DHX57: variants seen among roughly 807,000 people sequenced by gnomAD.
DHX57 encodes putative ATP-dependent RNA helicase DHX57.
DHX57 carries 105 observed loss-of-function variants against 156.2 expected under a neutral mutation model. The ratio of observed to expected loss-of-function variants is 0.67; its 90% CI spans 0.57 to 0.79. The LOEUF is 0.79. DHX57 is among the 30% of genes least tolerant of loss of function. The pLI is 0.00. For synonymous variants in DHX57, 704 were observed against 595.6 expected, an observed-to-expected ratio of 1.18 and a Z score of -2.65; for missense variants, 1,847 against 1,661.9, an observed-to-expected ratio of 1.11 and a Z score of -1.94.
chr2:38,826,534 C>T lies in DHX57; in HGVS notation c.2795G>A (p.Gly932Glu). The change falls in exon 15 of 24, where the codon GGG becomes GAG. Residue 932 changes from glycine (G) to glutamate (E), a missense_variant. By Grantham distance (98) the Gly-to-Glu change is moderately conservative. Transcript: ENST00000457308. ...GGAATACCTCTTTTCTTTCATTTTC[C>T]CAGAATCGATAACATAGACAACATC... Reference protein sequence around the residue: ...IDDVVYVIDSGKMKEKRYDAS... With the variant: ...IDDVVYVIDSEKMKEKRYDAS... 6.2e-7 allele frequency: 1 copy of T among 1,613,824 alleles called. No individual in the cohort carries two copies. The highest frequency in any genetic ancestry group is 8.5e-7 in the Non-Finnish European group (1 of 1,179,858).
At chr2:38,837,610 T>TAAAAAAAAAAAAAAAAA in intron 13 of DHX57, among the ~76,000 whole-genome samples, 1 of 2,872 alleles carries the variant, frequency 3.5e-4, no homozygotes. Flanking sequence ...AAACCCCGTC[T>TAAAAAAAAAAAAAAAAA]CAAAAAAAAA....
intron 6 of DHX57, chr2:38,856,974 C>T (rs371414890): frequency 8.5e-5 from 13 of 153,248 alleles, no homozygotes; most frequent in African/African-American, 3.1e-4. Flanking sequence ...CTGAATAAAC[C>T]GAAAGATTTT....
At chr2:38,827,645 G>A (rs1027904964) in intron 14 of DHX57, among the ~76,000 whole-genome samples, 5 of 150,524 alleles carry the variant, frequency 3.3e-5, no homozygotes, top group Admixed American at 3.3e-4. Context: ...TACATTTTAA[G>A]GGAGTGTTCG....
chr2:38,859,101 C>G (rs1218827170), intron 5 of DHX57, among the ~76,000 whole-genome samples: 1 of 152,130 alleles, frequency 6.6e-6, no homozygotes, highest in Non-Finnish European at 1.5e-5. Flanking sequence ...CAAGTGTCCC[C>G]AAATCCCACA....
chr2:38,848,821 G>C (rs1672426627), intron 9 of DHX57, among the ~76,000 whole-genome samples: 1 of 152,138 alleles, frequency 6.6e-6, no homozygotes, highest in Non-Finnish European at 1.5e-5. Flanking sequence ...GGAGAGCAAA[G>C]GTGTCAGGTG....
At chr2:38,874,741 G>C (rs1665528035) in intron 1 of DHX57, among the ~76,000 whole-genome samples, 1 of 152,112 alleles carries the variant, frequency 6.6e-6, no homozygotes, top group African/African-American at 2.4e-5. Flanking sequence ...GTGTTGGGTT[G>C]GGAAAAATCC....
intron 13 of DHX57, among the ~76,000 whole-genome samples, chr2:38,831,360 C>G (rs1671370811): frequency 6.7e-6 from 1 of 149,148 alleles, no homozygotes; most frequent in Non-Finnish European, 1.5e-5. Context: ...TCGCTCTTGT[C>G]CCCCAGGCTG....
chr2:38,873,923 G>C (rs1665470113), intron 1 of DHX57, among the ~76,000 whole-genome samples: 1 of 152,150 alleles, frequency 6.6e-6, no homozygotes, highest in African/African-American at 2.4e-5. Flanking sequence ...AATGAGCCAT[G>C]AAATAGTCAT....
rs1363917443 is a variant in DHX57 at position 38,861,930 on chromosome 2, T to G, written c.573-93A>C. ...ATTTAAATATGCTTAGATGAAGTTA[T>G]GACTACACATAGGCAGGGCTTGTAT... On this transcript the variant is annotated intron_variant, in intron 4 of 23. Coordinates refer to ENST00000457308, the MANE Select transcript of DHX57 (RefSeq NM_198963.3). The G allele has an allele frequency of 4.4e-6, 6 of 1,351,814 alleles. No individual in the cohort carries two copies. In the East Asian group the frequency reaches 1.4e-4, roughly 33 times the overall value. 83.7% of individuals were successfully genotyped at this position (1,351,814 alleles called of 1,614,324 possible).
At chr2:38,869,084 G>C (rs891687062) in intron 1 of DHX57, among the ~76,000 whole-genome samples, 14 of 152,306 alleles carry the variant, frequency 9.2e-5, no homozygotes, top group Non-Finnish European at 1.9e-4. Flanking sequence ...TTACAGGTGT[G>C]AGCCACTGCA....
chr2:38,838,801 T>G (rs1481657755), intron 12 of DHX57: 1 of 456,574 alleles, frequency 2.2e-6, no homozygotes, highest in Non-Finnish European at 4.4e-6. Context: ...TTGTAATATC[T>G]TCATTAACAC....
intron 23 of DHX57, among the ~76,000 whole-genome samples, chr2:38,800,134 G>A (rs970909150): frequency 3.3e-5 from 5 of 149,304 alleles, no homozygotes; most frequent in East Asian, 3.9e-4. Context: ...GTGGTGAGCC[G>A]AGATGGCACC....
chr2:38,851,891 A>C (rs1188096513), intron 9 of DHX57, among the ~76,000 whole-genome samples: 1 of 152,122 alleles, frequency 6.6e-6, no homozygotes, highest in Non-Finnish European at 1.5e-5. Context: ...CTTCTTTCAG[A>C]TGTTCATTTC....
intron 13 of DHX57, among the ~76,000 whole-genome samples, chr2:38,833,198 G>A (rs749889582): frequency 7.3e-5 from 11 of 151,368 alleles, no homozygotes; most frequent in Admixed American, 2.0e-4. Context: ...GCTGGAGTGC[G>A]GTGGCGCGAT....
chr2:38,825,924 G>A lies in DHX57; in HGVS notation c.2937C>T (p.Ser979=). Residue 979 remains serine, a synonymous_variant, in exon 16 of 24, where the codon AGC becomes AGT. Coordinates refer to ENST00000457308, the MANE Select transcript of DHX57 (RefSeq NM_198963.3). The part of the protein sequence containing the change: ...ASGVCFHLFT[S]HHYNHQLLKQ... ...TTAAAAGCTGGTGATTGTAGTGATG[G>A]CTAGTGAATAAATGGAAGCAGACCC... is the stretch of plus-strand genomic sequence containing the variant. 1 of 1,614,166 alleles carries A rather than the reference G, an allele frequency of 6.2e-7. No homozygotes were observed. Among genetic ancestry groups the A allele is most frequent in the Non-Finnish European group, 8.5e-7 (1 of 1,180,032 alleles).
intron 11 of DHX57, among the ~76,000 whole-genome samples, chr2:38,845,940 A>G (rs1386426100): frequency 6.7e-6 from 1 of 148,384 alleles, no homozygotes; most frequent in Non-Finnish European, 1.5e-5. Context: ...GTCTCAGCTC[A>G]CTGCAACCTC....
At position 38,821,862 on chromosome 2, in the gene DHX57, T is replaced by A. The variant is rs1670832261; in HGVS notation, c.3291+1131A>T. ...AATAAAAAGGATTATAAAGGGACAT[T>A]ATGAATAATTATATGCCAATAAATT... is the stretch of plus-strand genomic sequence containing the variant. On this transcript the variant is annotated intron_variant, in intron 17 of 23. Coordinates refer to ENST00000457308, the MANE Select transcript of DHX57 (RefSeq NM_198963.3). 2.6e-5 allele frequency among the ~76,000 whole-genome samples: 4 copies of A among 152,262 alleles called. No homozygotes were observed. The South Asian group carries it at 8.3e-4, about 32-fold the overall frequency.
At chr2:38,801,639 G>C (rs71439233) in intron 23 of DHX57, among the ~76,000 whole-genome samples, 1 of 151,354 alleles carries the variant, frequency 6.6e-6, no homozygotes, top group African/African-American at 2.4e-5. Flanking sequence ...TTGTTGCTCA[G>C]GCTGGAGTGC....
chr2:38,822,185 T>A (rs752498937), intron 17 of DHX57, among the ~76,000 whole-genome samples: 23 of 147,726 alleles, frequency 1.6e-4, no homozygotes, highest in Non-Finnish European at 3.0e-4. Context: ...CAGGTTCAAG[T>A]GATTCTCCTG....
Sources: allele counts gnomAD v4.1 joint callset (sites outside exome capture counted in the v4.1 genomes callset), GRCh38; gene constraint gnomAD v4.1.1; transcripts MANE v1.5; gene names NCBI Gene and HGNC (gene_info 2026-07-23, HGNC 2026-07-21).